The following SLC9D1 variants were observed in gnomAD, a reference collection of about 807,000 sequenced individuals.
The protein encoded by SLC9D1 is putative LAG1-interacting protein.
the SLC9D1 span, chr13:113,547,515 G>T: frequency 1.5e-6 from 1 of 683,728 alleles, no homozygotes; most frequent in Non-Finnish European, 2.6e-6. Flanking sequence ...AGGCCCACTG[G>T]GCCACTGGAC....
the SLC9D1 span, among the ~76,000 whole-genome samples, chr13:113,502,050 G>T: frequency 6.6e-6 from 1 of 152,176 alleles, no homozygotes; most frequent in Non-Finnish European, 1.5e-5. Flanking sequence ...TCAGGAAGTC[G>T]CTGTGCCTGT....
chr13:113,495,544 C>T, the SLC9D1 span: 1 of 1,441,556 alleles, frequency 6.9e-7, no homozygotes, highest in South Asian at 1.4e-5. Context: ...GGGGCAGAGA[C>T]CCGTGGATTG....
the SLC9D1 span, among the ~76,000 whole-genome samples, chr13:113,548,069 T>C: frequency 4.7e-3 from 714 of 152,314 alleles, 2 homozygotes; most frequent in Non-Finnish European, 7.4e-3. Flanking sequence ...TATTTTCTGC[T>C]AATGAACCGA....
chr13:113,501,822 T>C, the SLC9D1 span: 1 of 1,610,218 alleles, frequency 6.2e-7, no homozygotes, highest in Non-Finnish European at 8.5e-7. Flanking sequence ...TTGCCTACAA[T>C]GTTTGGTTAT....
the SLC9D1 span, among the ~76,000 whole-genome samples, chr13:113,502,839 G>C: frequency 6.6e-6 from 1 of 152,212 alleles, no homozygotes; most frequent in South Asian, 2.1e-4. Context: ...GAGCCCCAGG[G>C]CTTTCTCCAG....
At chr13:113,548,980 A>G in the SLC9D1 span, among the ~76,000 whole-genome samples, 3 of 152,152 alleles carry the variant, frequency 2.0e-5, no homozygotes, top group Non-Finnish European at 4.4e-5. Flanking sequence ...GCCTGACCCA[A>G]GGCCGCATCC....
the SLC9D1 span, chr13:113,511,769 C>G: frequency 2.6e-5 from 4 of 152,340 alleles, no homozygotes; most frequent in African/African-American, 9.6e-5. Context: ...TAGTGGCCCG[C>G]ACACGGGACA....
chr13:113,548,427 G>A, the SLC9D1 span: 31 of 1,611,480 alleles, frequency 1.9e-5, no homozygotes, highest in Non-Finnish European at 2.3e-5. Context: ...AGCCGGGCGC[G>A]AAGAGCGGGC....
chr13:113,548,447 C>T, the SLC9D1 span: 4 of 1,605,084 alleles, frequency 2.5e-6, no homozygotes, highest in Admixed American at 1.7e-5. Flanking sequence ...CGTCATCTCT[C>T]GGGAGGTGAG....
chr13:113,525,608 A>G, the SLC9D1 span, among the ~76,000 whole-genome samples: 37 of 83,660 alleles, frequency 4.4e-4, no homozygotes, highest in Middle Eastern at 8.5e-3. Context: ...AGCCATCGTC[A>G]TCATAGCAGA....
chr13:113,519,994 C>T, the SLC9D1 span, among the ~76,000 whole-genome samples: 13 of 152,182 alleles, frequency 8.5e-5, no homozygotes, highest in Admixed American at 2.0e-4. Context: ...GTTTCTGGGA[C>T]GCAGTGAAAT....
At chr13:113,501,820 A>G in the SLC9D1 span, 2 of 1,610,584 alleles carry the variant, frequency 1.2e-6, no homozygotes, top group African/African-American at 2.7e-5. Context: ...GATTGCCTAC[A>G]ATGTTTGGTT....
At chr13:113,519,372 A>G in the SLC9D1 span, among the ~76,000 whole-genome samples, 4 of 151,796 alleles carry the variant, frequency 2.6e-5, no homozygotes, top group African/African-American at 7.3e-5. Flanking sequence ...TGTAAGAAAA[A>G]GTACCTTGTT....
At chr13:113,525,976 C>T in the SLC9D1 span, among the ~76,000 whole-genome samples, 5 of 151,208 alleles carry the variant, frequency 3.3e-5, no homozygotes, top group South Asian at 2.1e-4. Flanking sequence ...TCGTAGGAGA[C>T]GACAGCTCTG....
the SLC9D1 span, chr13:113,514,189 A>G: frequency 1.3e-5 from 2 of 152,190 alleles, no homozygotes; most frequent in Non-Finnish European, 2.9e-5. Flanking sequence ...TCTTTTTCAT[A>G]CTAACCTCAC....
At chr13:113,503,170 C>G in the SLC9D1 span, among the ~76,000 whole-genome samples, 21 of 152,166 alleles carry the variant, frequency 1.4e-4, no homozygotes, top group South Asian at 1.9e-3. Context: ...GCTCATAAAC[C>G]AACAAATAAG....
the SLC9D1 span, chr13:113,539,440 C>T: frequency 3.1e-6 from 5 of 1,613,480 alleles, no homozygotes; most frequent in Middle Eastern, 1.6e-4. This position sits in a 1 kb window ranked among gnomAD's most constrained non-coding sequence, Gnocchi z 4.8. Context: ...CCGTGGTCAC[C>T]GAGGAGATCG....
the SLC9D1 span, chr13:113,503,479 T>C: frequency 2.9e-5 from 46 of 1,583,156 alleles, no homozygotes; most frequent in South Asian, 4.5e-5. Context: ...ATATGGTTTT[T>C]CTTTTGTGTT....
the SLC9D1 span, among the ~76,000 whole-genome samples, chr13:113,522,562 G>A: frequency 2.6e-5 from 4 of 152,190 alleles, no homozygotes; most frequent in Admixed American, 1.3e-4. Flanking sequence ...GGATGGTCTC[G>A]ATCTCCTGAC....
Sources: gnomAD v4.1 joint callset for allele counts (sites outside exome capture counted in the v4.1 genomes callset) on GRCh38, gnomAD v4.1.1 for gene constraint, Gnocchi (gnomAD v3.1) non-coding constraint, MANE v1.5 for transcripts, NCBI Gene and HGNC (gene_info 2026-07-23, HGNC 2026-07-21) for gene names.